Variants in MAST4 observed in about 807,000 individuals in gnomAD.
The protein encoded by MAST4 is microtubule associated serine/threonine kinase family member 4.
Under a neutral mutation model 162.7 loss-of-function variants are expected in MAST4, and 89 were observed. The observed-to-expected ratio is 0.55, with a 90% CI of 0.46 to 0.65. The LOEUF (loss-of-function observed/expected upper bound fraction) is 0.65. Among genes scored for constraint, MAST4 ranks in the 30% least tolerant of loss-of-function variants. The pLI, the probability that MAST4 is intolerant of heterozygous loss-of-function variation, is 0.00. For missense variants in MAST4, 3,153 were observed against 3,374.0 expected (o/e 0.93, Z 1.62); for synonymous variants, 1,479 against 1,361.1 (o/e 1.09, Z -1.91).
intron 5 of MAST4, among the ~76,000 whole-genome samples, chr5:67,088,310 A>G (rs1763474588): frequency 6.6e-6 from 1 of 152,320 alleles, no homozygotes; most frequent in East Asian, 1.9e-4. Flanking sequence ...TTTTGAGTGA[A>G]TAAGTGTAGC....
chr5:67,133,750 GT>G, intron 17 of MAST4, 104 bp downstream of exon 17: 1 of 1,276,032 alleles, frequency 7.8e-7, no homozygotes, highest in Non-Finnish European at 1.1e-6. Flanking sequence ...AGTGCTGGTG[GT>G]TTAGATGTCT....
intron 1 of MAST4, among the ~76,000 whole-genome samples, chr5:66,743,120 A>T (rs1433982676): frequency 6.6e-6 from 1 of 152,156 alleles, no homozygotes; most frequent in Non-Finnish European, 1.5e-5. Context: ...TCTTCAGAGC[A>T]GCCTTCTCTA....
intron 4 of MAST4, among the ~76,000 whole-genome samples, chr5:66,979,415 C>T (rs781124471): frequency 4.6e-5 from 7 of 152,100 alleles, no homozygotes; most frequent in African/African-American, 7.2e-5. Context: ...GAAGCATGTT[C>T]AGCTGCAACC....
At chr5:66,848,848 C>T (rs1316513200) in intron 3 of MAST4, among the ~76,000 whole-genome samples, 1 of 152,198 alleles carries the variant, frequency 6.6e-6, no homozygotes, top group Non-Finnish European at 1.5e-5. Flanking sequence ...TCTGTAGCTG[C>T]AGCATTTATA....
chr5:67,000,202 G>C (rs1008663107), intron 4 of MAST4, among the ~76,000 whole-genome samples: 1 of 152,200 alleles, frequency 6.6e-6, no homozygotes, highest in African/African-American at 2.4e-5. Flanking sequence ...GGGATGGGAA[G>C]ATGTCAAAGT....
chr5:67,142,738 C>T lies in MAST4; in HGVS notation c.2730+205C>T, dbSNP rs540210620. 3.5e-5 allele frequency: 16 copies of T among 457,704 alleles called. No individual in the cohort carries two copies. In the South Asian group the frequency reaches 5.7e-4, roughly 16 times the overall value. 28.4% of individuals were successfully genotyped at this position (457,704 alleles called of 1,614,324 possible). ...GGCCTTTAGACTGCCATTTTACCTTCTCTCTTTCCTGTGAGACAACAGAGA... is the reference window on the plus strand; with the variant it reads ...GGCCTTTAGACTGCCATTTTACCTTTTCTCTTTCCTGTGAGACAACAGAGA... On this transcript the variant is annotated intron_variant, in intron 21 of 28. Transcript: ENST00000403625.
chr5:66,749,862 T>G (rs1753026077), intron 1 of MAST4, among the ~76,000 whole-genome samples: 1 of 152,236 alleles, frequency 6.6e-6, no homozygotes, highest in Non-Finnish European at 1.5e-5. Flanking sequence ...ATGAGTGTTT[T>G]AACTGTAGAA....
At chr5:67,015,698 A>G (rs111770694) in intron 4 of MAST4, among the ~76,000 whole-genome samples, 223 of 152,306 alleles carry the variant, frequency 1.5e-3, no homozygotes, top group African/African-American at 5.1e-3. Flanking sequence ...AGAGGAGTCA[A>G]GTGATTATAA....
chr5:66,928,202 C>A (rs1245395355), intron 4 of MAST4, among the ~76,000 whole-genome samples: 1 of 152,162 alleles, frequency 6.6e-6, no homozygotes, highest in African/African-American at 2.4e-5. Flanking sequence ...TGTTCTCATC[C>A]CTACTGCTCA....
At chr5:66,830,392 A>G (rs1006276596) in intron 3 of MAST4, among the ~76,000 whole-genome samples, 2 of 152,154 alleles carry the variant, frequency 1.3e-5, no homozygotes, top group East Asian at 1.9e-4. Context: ...AGGAATCATT[A>G]TTTTTCATTA....
At chr5:66,722,437 A>G (rs1362753904) in intron 1 of MAST4, among the ~76,000 whole-genome samples, 2 of 143,654 alleles carry the variant, frequency 1.4e-5, no homozygotes, top group Non-Finnish European at 3.0e-5. Context: ...CTCCTTACTC[A>G]TTTACCTGGT....
chr5:66,729,584 A>G (rs1200763830), intron 1 of MAST4, among the ~76,000 whole-genome samples: 1 of 152,150 alleles, frequency 6.6e-6, no homozygotes, highest in East Asian at 1.9e-4. Context: ...TCAATGCTGC[A>G]TATTGAGGGC....
intron 1 of MAST4, among the ~76,000 whole-genome samples, chr5:66,752,824 C>T (rs1473169965): frequency 6.6e-6 from 1 of 151,982 alleles, no homozygotes. Context: ...CTCTCCACCC[C>T]AAATCAACAG....
intron 25 of MAST4, 53 bp from the exon 26 acceptor site, chr5:67,153,405 T>A (rs1772083794): frequency 1.3e-6 from 2 of 1,560,728 alleles, no homozygotes; most frequent in African/African-American, 1.4e-5. Flanking sequence ...ACACAGTAGG[T>A]GTTAGAGTAG....
intron 1 of MAST4, among the ~76,000 whole-genome samples, chr5:66,715,566 T>C (rs991391652): frequency 6.6e-6 from 1 of 151,126 alleles, no homozygotes; most frequent in Non-Finnish European, 1.5e-5. Flanking sequence ...ATATACCTAA[T>C]GCTAAATGAC....
At chr5:66,891,957 C>G (rs926590001) in intron 3 of MAST4, among the ~76,000 whole-genome samples, 3 of 152,330 alleles carry the variant, frequency 2.0e-5, no homozygotes, top group Admixed American at 2.0e-4. Flanking sequence ...GCTTTCTTGT[C>G]TGCTACCTGT....
chr5:66,597,064 C>A (rs1742228752), intron 1 of MAST4, 46 bp downstream of exon 1: 1 of 1,370,556 alleles, frequency 7.3e-7, no homozygotes, highest in African/African-American at 1.5e-5. Context: ...GGCAGCCGGG[C>A]GACCGTAGTT....
chr5:66,700,030 A>G (rs1045680333), intron 1 of MAST4, among the ~76,000 whole-genome samples: 11 of 152,216 alleles, frequency 7.2e-5, no homozygotes, highest in African/African-American at 1.9e-4. Context: ...AACTAGCTGC[A>G]TGGTTGCTAT....
intron 1 of MAST4, among the ~76,000 whole-genome samples, chr5:66,735,367 AG>A (rs1249839685): frequency 1.3e-5 from 2 of 152,244 alleles, no homozygotes; most frequent in Admixed American, 6.5e-5. Context: ...GCTTGTAAAA[AG>A]TGATACCAGA....
Sources: gnomAD v4.1 joint callset for allele counts (sites outside exome capture counted in the v4.1 genomes callset) on GRCh38, gnomAD v4.1.1 for gene constraint, MANE v1.5 for transcripts, NCBI Gene and HGNC (gene_info 2026-07-23, HGNC 2026-07-21) for gene names.